The following CACNA1C variants were observed in gnomAD, a reference collection of about 807,000 sequenced individuals.
CACNA1C encodes calcium voltage-gated channel subunit alpha1 C, also known as voltage-dependent L-type calcium channel subunit alpha-1C.
Under a neutral mutation model 229.0 loss-of-function variants are expected in CACNA1C, and 30 were observed. The observed-to-expected ratio is 0.13, with a 90% CI of 0.10 to 0.18. The LOEUF (loss-of-function observed/expected upper bound fraction) is 0.18, where lower values mean the gene tolerates loss of function less well. Among genes scored for constraint, CACNA1C ranks in the 10% least tolerant of loss-of-function variants. The pLI, the probability that CACNA1C is intolerant of heterozygous loss-of-function variation, is 1.00. For missense variants in CACNA1C, 1,658 were observed against 2,845.0 expected (o/e 0.58, Z 9.49); for synonymous variants, 1,114 against 1,132.5 (o/e 0.98, Z 0.33).
intron 3 of CACNA1C, among the ~76,000 whole-genome samples, chr12:2,414,384 G>A (rs2098842051): frequency 6.6e-6 from 1 of 152,160 alleles, no homozygotes; most frequent in African/African-American, 2.4e-5. Flanking sequence ...ATCATCAAAG[G>A]TGAAGTCGTA....
chr12:2,311,302 C>A (rs895117137), intron 3 of CACNA1C, among the ~76,000 whole-genome samples: 2 of 152,218 alleles, frequency 1.3e-5, no homozygotes, highest in African/African-American at 2.4e-5. Context: ...ATACTTCTGA[C>A]ATGAAGGTAA....
chr12:2,164,430 TGA>T (rs1373031727), intron 3 of CACNA1C, among the ~76,000 whole-genome samples: 1 of 152,202 alleles, frequency 6.6e-6, no homozygotes, highest in Non-Finnish European at 1.5e-5. Context: ...ATCTGTAAAA[TGA>T]GAGTTGAACT....
At position 2,067,274 on chromosome 12, in the gene CACNA1C, C is replaced by T. The variant is rs887045871; in HGVS notation, c.49+13663C>T. Reference sequence around the variant, plus strand: ...TCTGAATCCCCCAGCCTGCCTCCATCCCAGGTGGATTAGTCATCAGAATAG... The same window carrying T: ...TCTGAATCCCCCAGCCTGCCTCCATTCCAGGTGGATTAGTCATCAGAATAG... On this transcript the variant is annotated intron_variant, in intron 1 of 46. Coordinates refer to ENST00000399655, the MANE Select transcript of CACNA1C (RefSeq NM_000719.7). This position sits in a 1 kb window ranked among gnomAD's most constrained non-coding sequence, Gnocchi z 5.3. Among the ~76,000 whole-genome samples the T allele has an allele frequency of 1.3e-5, 2 of 152,072 alleles. No individual in the cohort carries two copies. Among genetic ancestry groups the T allele is most frequent in the African/African-American group, 4.8e-5 (2 of 41,408 alleles).
chr12:2,420,100 ATGG>A (rs2098960583), intron 3 of CACNA1C, among the ~76,000 whole-genome samples: 1 of 112,822 alleles, frequency 8.9e-6, no homozygotes, highest in South Asian at 3.0e-4. Flanking sequence ...CTTAGGCAAA[ATGG>A]TGTGTGTGTG....
At chr12:2,368,538 T>C (rs1021127314) in intron 3 of CACNA1C, among the ~76,000 whole-genome samples, 2 of 152,200 alleles carry the variant, frequency 1.3e-5, no homozygotes, top group Non-Finnish European at 2.9e-5. Context: ...ATTACAAAAC[T>C]TTTAAAATGT....
Position 2,054,034 on chromosome 12 carries a change from T to C in CACNA1C, c.49+423T>C, listed in dbSNP as rs1034702890. ...TCCCTCGCCCGGCTCGGGGCGCGGCTGGGAGCGCGCGCGCGCGCACCCTGC... is the reference window on the plus strand; with the variant it reads ...TCCCTCGCCCGGCTCGGGGCGCGGCCGGGAGCGCGCGCGCGCGCACCCTGC... On this transcript the variant is annotated intron_variant, in intron 1 of 46. Coordinates refer to ENST00000399655, the MANE Select transcript of CACNA1C (RefSeq NM_000719.7). The surrounding 1 kb of genome is among the most constrained non-coding windows in gnomAD (Gnocchi z 5.5). Among the ~76,000 whole-genome samples, 2 of 146,518 alleles carry C rather than the reference T, an allele frequency of 1.4e-5. No homozygotes were observed. The highest frequency in any genetic ancestry group is 4.9e-5 in the African/African-American group (2 of 40,732).
chr12:2,234,843 G>A (rs1237519292), intron 3 of CACNA1C, among the ~76,000 whole-genome samples: 1 of 152,090 alleles, frequency 6.6e-6, no homozygotes, highest in Non-Finnish European at 1.5e-5. Context: ...AGAGGGAGGG[G>A]AAGATCCCTC....
intron 4 of CACNA1C, among the ~76,000 whole-genome samples, chr12:2,454,024 G>A (rs1296358300): frequency 1.3e-5 from 2 of 152,146 alleles, no homozygotes; most frequent in East Asian, 3.9e-4. Context: ...AGGTCTAAGG[G>A]GGCCCTGCCA....
intron 3 of CACNA1C, among the ~76,000 whole-genome samples, chr12:2,381,349 C>G (rs1420938234): frequency 6.6e-6 from 1 of 152,248 alleles, no homozygotes; most frequent in Non-Finnish European, 1.5e-5. Context: ...CCATCTTCCT[C>G]TTCCCGATTA....
At chr12:2,402,545 C>G in intron 3 of CACNA1C, among the ~76,000 whole-genome samples, 1 of 152,340 alleles carries the variant, frequency 6.6e-6, no homozygotes, top group Non-Finnish European at 1.5e-5. Context: ...CTAAGCAAAG[C>G]CTTTAACCTC....
chr12:2,210,837 G>A (rs2097897954), intron 3 of CACNA1C, among the ~76,000 whole-genome samples: 2 of 152,150 alleles, frequency 1.3e-5, no homozygotes, highest in African/African-American at 4.8e-5. Context: ...GGGGCAGATT[G>A]AAGCTAGGTG....
In CACNA1C at chr12:2,409,593, T is replaced by C. The variant is rs771164232; in HGVS notation, c.478-39383T>C. On this transcript the variant is annotated intron_variant, in intron 3 of 46. Coordinates refer to ENST00000399655, the MANE Select transcript of CACNA1C (RefSeq NM_000719.7). Reference sequence around the variant, plus strand: ...ATAATTTCTTAATTTTTGTTGGCAATTGTGCTTGAAGCAAAAACCAAATTA... The same window carrying C: ...ATAATTTCTTAATTTTTGTTGGCAACTGTGCTTGAAGCAAAAACCAAATTA... 5.3e-5 allele frequency among the ~76,000 whole-genome samples: 8 copies of C among 152,376 alleles called. No individual in the cohort carries two copies. In the East Asian group the frequency reaches 9.6e-4, roughly 18 times the overall value.
chr12:2,129,710 G>A (rs1268329852), intron 3 of CACNA1C, among the ~76,000 whole-genome samples: 1 of 152,142 alleles, frequency 6.6e-6, no homozygotes, highest in Non-Finnish European at 1.5e-5. Context: ...TTGTAATGCT[G>A]GGGAGCTGTC....
At chr12:2,621,229 A>G (rs1192213378) in intron 29 of CACNA1C, among the ~76,000 whole-genome samples, 1 of 152,116 alleles carries the variant, frequency 6.6e-6, no homozygotes, top group Non-Finnish European at 1.5e-5. Context: ...AAGGTTTCAG[A>G]TGGGGTAAGG....
At chr12:2,351,730 G>C (rs974812723) in intron 3 of CACNA1C, among the ~76,000 whole-genome samples, 1 of 152,222 alleles carries the variant, frequency 6.6e-6, no homozygotes, top group Non-Finnish European at 1.5e-5. Context: ...GCACGCCTGT[G>C]TCCTGGCTTA....
chr12:1,970,936 A>G, exon 1 of CACNA1C: 1 of 424,232 alleles, frequency 2.4e-6, no homozygotes, highest in Non-Finnish European at 4.0e-6. Flanking sequence ...GGCCATGTCA[A>G]CTTTTGTGGC....
Position 2,685,722 on chromosome 12 carries a change from G to C in CACNA1C, c.5574-14G>C. Reference sequence around the variant, plus strand: ...CAGCCTCCAGGAACAAGCCCCATGAGCTCTCTGTTCCAGGCTCTCCTACCA... The same window carrying C: ...CAGCCTCCAGGAACAAGCCCCATGACCTCTCTGTTCCAGGCTCTCCTACCA... On this transcript the variant is annotated splice_polypyrimidine_tract_variant and intron_variant, in intron 43 of 46. Coordinates refer to ENST00000399655, the MANE Select transcript of CACNA1C (RefSeq NM_000719.7). 6.2e-7 allele frequency: 1 copy of C among 1,605,070 alleles called. No individual in the cohort carries two copies.
intron 9 of CACNA1C, among the ~76,000 whole-genome samples, chr12:2,536,938 C>T (rs11062257): frequency 0.027 from 4,073 of 152,308 alleles, 68 homozygotes; most frequent in South Asian, 0.059. Flanking sequence ...CTGGGGAAAC[C>T]GAGCCACAGA....
intron 3 of CACNA1C, among the ~76,000 whole-genome samples, chr12:2,306,531 T>C (rs1374240889): frequency 6.6e-6 from 1 of 152,142 alleles, no homozygotes; most frequent in African/African-American, 2.4e-5. Flanking sequence ...AGGGAAAAGG[T>C]CCTAAAAAGA....
Sources: allele counts gnomAD v4.1 joint callset (sites outside exome capture counted in the v4.1 genomes callset), GRCh38; gene constraint gnomAD v4.1.1; non-coding constraint Gnocchi (gnomAD v3.1); transcripts MANE v1.5; gene names NCBI Gene and HGNC (gene_info 2026-07-23, HGNC 2026-07-21).